Variants in MMP20 observed in about 807,000 individuals in gnomAD.
MMP20 encodes the protein matrix metallopeptidase 20.
In MMP20, 50 loss-of-function variants were observed where a neutral mutation model predicts 51.8. The ratio of observed to expected loss-of-function variants is 0.97; its 90% CI spans 0.77 to 1.22. The LOEUF (loss-of-function observed/expected upper bound fraction) is 1.22, where lower values mean the gene tolerates loss of function less well. Among genes scored for constraint, MMP20 ranks in the 50% most tolerant of loss-of-function variants. MMP20 has a pLI of 0.00. For missense variants in MMP20, 663 were observed against 601.4 expected (o/e 1.10, Z -1.07); for synonymous variants, 244 against 216.2 (o/e 1.13, Z -1.13).
intron 5 of MMP20, among the ~76,000 whole-genome samples, chr11:102,608,691 C>CAAAT (rs5794187): frequency 2.0e-5 from 3 of 151,854 alleles, no homozygotes; most frequent in Non-Finnish European, 4.4e-5. Flanking sequence ...AAAACATAAA[C>CAAAT]CGACAAATGA....
intron 2 of MMP20, among the ~76,000 whole-genome samples, chr11:102,615,152 G>A (rs1282940894): frequency 2.1e-5 from 3 of 142,498 alleles, no homozygotes; most frequent in South Asian, 2.2e-4. Flanking sequence ...AATAAATAAC[G>A]TATTTTATTT....
chr11:102,577,253 C>T lies in MMP20; in HGVS notation c.*73G>A, dbSNP rs1187038506. 1 of 994,870 alleles carries T rather than the reference C, an allele frequency of 1.0e-6. No homozygotes were observed. The highest frequency in any genetic ancestry group is 1.6e-6 in the Non-Finnish European group (1 of 617,436). 61.6% of individuals were successfully genotyped at this position (994,870 alleles called of 1,614,324 possible). The stretch of plus-strand genomic sequence containing the variant: ...GGAAGAATCCCTCTCCTACATTCTG[C>T]TTTAGTCCTTAAGATCCAGTTAGAG... On this transcript the variant is annotated 3_prime_UTR_variant, in exon 10 of 10. Transcript: ENST00000260228.
At chr11:102,579,625 A>C (rs1440681734) in intron 8 of MMP20, among the ~76,000 whole-genome samples, 1 of 152,148 alleles carries the variant, frequency 6.6e-6, no homozygotes, top group Non-Finnish European at 1.5e-5. Flanking sequence ...TTGTTGTTTA[A>C]ATCGGGCTCT....
chr11:102,588,482 C>T (rs980324944), intron 8 of MMP20, among the ~76,000 whole-genome samples: 9 of 152,030 alleles, frequency 5.9e-5, no homozygotes, highest in African/African-American at 2.2e-4. Flanking sequence ...TTTTCTTTAG[C>T]CAAATACAGT....
Position 102,579,077 on chromosome 11 carries a change from C to T in MMP20, c.1313G>A (p.Gly438Glu), listed in dbSNP as rs61753770. ...YPKNTEEEFS[G>E]VNGQIDAAVE... ...AGCAGCATCGATTTGGCCATTTACT[C>T]CTGAAAATTCTTCTTCAGTATTCTT... Residue 438 changes from glycine to glutamate, a missense_variant, in exon 9 of 10, where the codon GGA (glycine) becomes GAA (glutamate). Coordinates refer to ENST00000260228, the MANE Select transcript of MMP20 (RefSeq NM_004771.4). 1.9e-6 allele frequency: 3 copies of T among 1,613,838 alleles called. No homozygotes were observed. Among genetic ancestry groups the T allele is most frequent in the Non-Finnish European group, 2.5e-6 (3 of 1,179,788 alleles).
Position 102,576,923 on chromosome 11 carries a change from G to A in MMP20, c.*403C>T, listed in dbSNP as rs922128914. 9 of 170,804 alleles carry A rather than the reference G, an allele frequency of 5.3e-5. No homozygotes were observed. The highest frequency in any genetic ancestry group is 3.3e-4 in the Admixed American group (6 of 17,936). 10.6% of individuals were successfully genotyped at this position (170,804 alleles called of 1,614,324 possible). A position where few individuals can be genotyped will look rare whatever the true frequency, so the allele number is the denominator to read the frequency against. Reference sequence around the variant, plus strand: ...ATGATGGCCACAAAAGCCATTGCTTGTAAATAATTATAATTCATACTGTAA... The same window carrying A: ...ATGATGGCCACAAAAGCCATTGCTTATAAATAATTATAATTCATACTGTAA... On this transcript the variant is annotated 3_prime_UTR_variant, in exon 10 of 10. Coordinates refer to ENST00000260228, the MANE Select transcript of MMP20 (RefSeq NM_004771.4).
chr11:102,583,038 C>A (rs531504033), intron 8 of MMP20, among the ~76,000 whole-genome samples: 49 of 152,278 alleles, frequency 3.2e-4, no homozygotes, highest in Non-Finnish European at 5.1e-4. Context: ...ATGTCCAAAT[C>A]TCTTCTGATA....
intron 8 of MMP20, among the ~76,000 whole-genome samples, chr11:102,587,545 T>C (rs1054729877): frequency 3.9e-5 from 6 of 152,204 alleles, no homozygotes; most frequent in African/African-American, 1.4e-4. Context: ...AAGTGGGGTA[T>C]TGAAATCTTT....
rs565102693 is a variant in MMP20 at position 102,594,716 on chromosome 11, C to T, written c.995G>A (p.Arg332Gln). 39 of 1,609,330 alleles carry T rather than the reference C, an allele frequency of 2.4e-5. No homozygotes were observed. The highest frequency in any genetic ancestry group is 2.1e-4 in the South Asian group (19 of 90,918). ...RRQVHLRTGI[R>Q]PSTITSSFPQ... is the part of the protein sequence containing the mutation. ...GAAGGAGCTGGTAATAGTGCTGGGCCGAATTCCTGTCCGCAAGTGAACCTG... is the reference window on the plus strand; with the variant it reads ...GAAGGAGCTGGTAATAGTGCTGGGCTGAATTCCTGTCCGCAAGTGAACCTG... Residue 332 changes from arginine to glutamine, a missense_variant, in exon 7 of 10, where the codon CGG becomes CAG. Physicochemically the swap from Arg to Gln is conservative, Grantham distance 43. Coordinates refer to ENST00000260228, the MANE Select transcript of MMP20 (RefSeq NM_004771.4).
intron 1 of MMP20, among the ~76,000 whole-genome samples, chr11:102,620,892 C>T (rs891485148): frequency 2.6e-5 from 4 of 152,162 alleles, no homozygotes; most frequent in Admixed American, 2.6e-4. Flanking sequence ...AAAGAATCCT[C>T]AGGGAGGGGG....
Position 102,617,023 on chromosome 11 carries a change from G to T in MMP20, c.163C>A (p.His55Asn), listed in dbSNP as rs376574181. 1 of 1,614,134 alleles carries T rather than the reference G, an allele frequency of 6.2e-7. No homozygotes were observed. The highest frequency in any genetic ancestry group is 2.2e-5 in the East Asian group (1 of 44,890). Residue 55 changes from histidine to asparagine, a missense_variant, in exon 2 of 10, where the codon CAC (histidine) becomes AAC (asparagine). Transcript: ENST00000260228. ...LDKYYTNKEG[H>N]QIGEMVARGS... is the part of the protein sequence containing the mutation. ...CTTGCAACCATCTCACCAATCTGGT[G>T]TCCTTCTTTATTTGTGTAATATTTG...
At chr11:102,586,567 A>G (rs745355611) in intron 8 of MMP20, among the ~76,000 whole-genome samples, 4 of 152,090 alleles carry the variant, frequency 2.6e-5, no homozygotes, top group Non-Finnish European at 5.9e-5. Flanking sequence ...TAATCCCAGC[A>G]TTTTGTGAGG....
At chr11:102,602,947 GTCA>G in intron 6 of MMP20, among the ~76,000 whole-genome samples, 1 of 152,184 alleles carries the variant, frequency 6.6e-6, no homozygotes, top group African/African-American at 2.4e-5. Flanking sequence ...TAATAAATTT[GTCA>G]TCTATTATAA....
intron 6 of MMP20, among the ~76,000 whole-genome samples, chr11:102,597,382 T>C (rs565981945): frequency 6.6e-6 from 1 of 152,350 alleles, no homozygotes; most frequent in South Asian, 2.1e-4. Flanking sequence ...TTGAAACTTT[T>C]CACAAGTGGT....
At chr11:102,598,098 T>A (rs535028381) in intron 6 of MMP20, among the ~76,000 whole-genome samples, 2 of 152,242 alleles carry the variant, frequency 1.3e-5, no homozygotes, top group African/African-American at 4.8e-5. Context: ...GAATCTGTAG[T>A]CATGAAAAAT....
intron 3 of MMP20, among the ~76,000 whole-genome samples, chr11:102,611,429 A>G (rs935499798): frequency 1.3e-5 from 2 of 152,250 alleles, no homozygotes; most frequent in Admixed American, 6.5e-5. Context: ...GATAAACACT[A>G]TCATGGGAAT....
At chr11:102,596,206 T>A (rs1016610880) in intron 6 of MMP20, among the ~76,000 whole-genome samples, 1 of 152,224 alleles carries the variant, frequency 6.6e-6, no homozygotes, top group Non-Finnish European at 1.5e-5. Context: ...ATTTAGGGGC[T>A]TAATAAAGGT....
At position 102,625,245 on chromosome 11, in the gene MMP20, G is replaced by A. The variant is rs149295645; in HGVS notation, c.75C>T (p.Ser25=). ...AGGTCCTGGGGGAGGCTGCAACTAGGGAGGGGGCTGCAGTGGAAAACTTCA... is the reference window on the plus strand; with the variant it reads ...AGGTCCTGGGGGAGGCTGCAACTAGAGAGGGGGCTGCAGTGGAAAACTTCA... ...MALKFSTAAP[S]LVAASPRTWR... The change falls in exon 1 of 10, where the codon TCC becomes TCT. Residue 25 remains serine (S), a synonymous_variant. Transcript: ENST00000260228. The A allele has an allele frequency of 1.4e-5, 22 of 1,613,826 alleles. No individual in the cohort carries two copies. The highest frequency in any genetic ancestry group is 1.7e-5 in the Non-Finnish European group (20 of 1,179,934).
chr11:102,582,223 G>T (rs759952731), intron 8 of MMP20, among the ~76,000 whole-genome samples: 1 of 152,142 alleles, frequency 6.6e-6, no homozygotes, highest in Non-Finnish European at 1.5e-5. Flanking sequence ...ACTTAGATTT[G>T]TTAGGTATTT....
Sources: gnomAD v4.1 joint callset for allele counts (sites outside exome capture counted in the v4.1 genomes callset) on GRCh38, gnomAD v4.1.1 for gene constraint, MANE v1.5 for transcripts, NCBI Gene and HGNC (gene_info 2026-07-23, HGNC 2026-07-21) for gene names.